The following ROCK1 variants were observed in gnomAD, a reference collection of about 807,000 sequenced individuals.
ROCK1 encodes Rho associated coiled-coil containing protein kinase 1, also known as rho-associated protein kinase 1.
Under a neutral mutation model 196.8 loss-of-function variants are expected in ROCK1, and 36 were observed. That is an observed-to-expected ratio of 0.18 (90% CI 0.14 to 0.24). The LOEUF (loss-of-function observed/expected upper bound fraction) is 0.24. Ranked by LOEUF, ROCK1 falls within the 10% of genes least tolerant of loss-of-function variation. The pLI, the probability that ROCK1 is intolerant of heterozygous loss-of-function variation, is 1.00. For missense variants in ROCK1, 920 were observed against 1,562.0 expected, an observed-to-expected ratio of 0.59 and a Z score of 6.93; for synonymous variants, 443 against 515.9, an observed-to-expected ratio of 0.86 and a Z score of 1.91.
chr18:20,976,544 C>T (rs7244299), intron 22 of ROCK1, among the ~76,000 whole-genome samples: 26,859 of 152,136 alleles, frequency 0.18, 5,167 homozygotes, highest in African/African-American at 0.48. Context: ...CAGTTTGTTA[C>T]AATCCTTACA....
At chr18:21,048,366 T>C (rs918836734) in intron 4 of ROCK1, among the ~76,000 whole-genome samples, 4 of 152,130 alleles carry the variant, frequency 2.6e-5, no homozygotes, top group Non-Finnish European at 5.9e-5. Context: ...AAGAGACAGA[T>C]AAATGAGGAG....
intron 14 of ROCK1, 40 bp from the exon 15 acceptor site, chr18:21,006,830 T>C: frequency 7.8e-7 from 1 of 1,281,856 alleles, no homozygotes; most frequent in Non-Finnish European, 1.1e-6. Context: ...TTACAACATT[T>C]TCATAGGGGA....
chr18:20,996,476 A>G (rs551748071), intron 16 of ROCK1, among the ~76,000 whole-genome samples: 1 of 152,266 alleles, frequency 6.6e-6, no homozygotes, highest in Admixed American at 6.5e-5. Context: ...AGCAGGCAGA[A>G]AGAGAGATAG....
intron 8 of ROCK1, among the ~76,000 whole-genome samples, chr18:21,040,645 T>C: frequency 6.6e-6 from 1 of 152,192 alleles, no homozygotes; most frequent in South Asian, 2.1e-4. Flanking sequence ...TTAGAAAACC[T>C]CTCCATGGTT....
chr18:20,968,119 T>C (rs2035391289), intron 25 of ROCK1, among the ~76,000 whole-genome samples, 179 bp from the exon 26 acceptor site: 1 of 152,184 alleles, frequency 6.6e-6, no homozygotes, highest in Non-Finnish European at 1.5e-5. Context: ...CTTATCACAC[T>C]ACTTAAATGT....
At chr18:20,961,087 G>A (rs1187196447) in intron 27 of ROCK1, among the ~76,000 whole-genome samples, 1 of 152,038 alleles carries the variant, frequency 6.6e-6, no homozygotes, top group East Asian at 1.9e-4. Flanking sequence ...AGAAATATCT[G>A]GGGGATAAAG....
chr18:21,003,987 G>A (rs1568380913), intron 16 of ROCK1, among the ~76,000 whole-genome samples: 1 of 151,996 alleles, frequency 6.6e-6, no homozygotes, highest in Non-Finnish European at 1.5e-5. Context: ...AAGAATCAGA[G>A]ATAAACTTAC....
intron 16 of ROCK1, among the ~76,000 whole-genome samples, chr18:20,993,979 T>C (rs1284084824): frequency 6.6e-6 from 1 of 152,236 alleles, no homozygotes; most frequent in East Asian, 1.9e-4. Context: ...TTTGACTTAC[T>C]GTACTTGTCC....
At chr18:21,020,913 T>A (rs2035908082) in intron 11 of ROCK1, among the ~76,000 whole-genome samples, 1 of 152,164 alleles carries the variant, frequency 6.6e-6, no homozygotes, top group Non-Finnish European at 1.5e-5. Context: ...CCCATAAGCA[T>A]TTTAAATGAG....
chr18:20,983,966 G>A (rs1427812314), intron 20 of ROCK1, among the ~76,000 whole-genome samples: 12 of 152,136 alleles, frequency 7.9e-5, no homozygotes. Flanking sequence ...CACATCCCAA[G>A]AGTAACAGAA....
intron 10 of ROCK1, 103 bp from the exon 11 acceptor site, chr18:21,023,783 A>G: frequency 5.8e-6 from 3 of 515,326 alleles, no homozygotes; most frequent in Non-Finnish European, 6.8e-6. Flanking sequence ...GTTCAGTTAT[A>G]GTAACTTTGT....
In ROCK1 at chr18:21,015,816, T is replaced by TA. The variant is rs879917536; in HGVS notation, c.1362-338dup. ...GTGAAACCCCGTCTCTACTAAAAAT[T>TA]AAAAAAAAAAAAAATTAGCAAGGCA... is the stretch of plus-strand genomic sequence containing the variant. On this transcript the variant is annotated intron_variant, in intron 12 of 32. Coordinates refer to ENST00000399799, the MANE Select transcript of ROCK1 (RefSeq NM_005406.3). 9.1e-4 allele frequency among the ~76,000 whole-genome samples: 128 copies of TA among 140,722 alleles called. No individual in the cohort carries two copies. In the Middle Eastern group the frequency reaches 0.014, roughly 16 times the overall value. The allele number at this position is 140,722 out of a possible 152,430, so 92.3% of individuals were successfully genotyped here.
At chr18:20,962,749 G>A (rs898096567) in intron 27 of ROCK1, among the ~76,000 whole-genome samples, 1 of 152,108 alleles carries the variant, frequency 6.6e-6, no homozygotes, top group African/African-American at 2.4e-5. Context: ...GCAAATAAAG[G>A]TGTCAAGAAT....
At chr18:21,086,538 A>T (rs1293371429) in intron 1 of ROCK1, among the ~76,000 whole-genome samples, 2 of 152,204 alleles carry the variant, frequency 1.3e-5, no homozygotes, top group African/African-American at 4.8e-5. Flanking sequence ...ATGGAACTAT[A>T]ACAAAAGATT....
Position 20,969,301 on chromosome 18 carries a change from G to C in ROCK1, c.2821-93C>G, listed in dbSNP as rs2143359643. 3 of 685,622 alleles carry C rather than the reference G, an allele frequency of 4.4e-6. 1 individual carries two copies. The South Asian group carries it at 5.5e-5, about 13-fold the overall frequency. The allele number at this position is 685,622 out of a possible 1,614,324, so 42.5% of individuals were successfully genotyped here. Reference sequence around the variant, plus strand: ...TTAAATATACTGCTAGATAAAGACAGGTCAGACACTGCTGAACTACAGCAA... The same window carrying C: ...TTAAATATACTGCTAGATAAAGACACGTCAGACACTGCTGAACTACAGCAA... On this transcript the variant is annotated intron_variant, in intron 23 of 32. Transcript: ENST00000399799.
At position 20,947,588 on chromosome 18, in the gene ROCK1, G is replaced by A. The variant is rs1253482785; in HGVS notation, c.*3796C>T. On this transcript the variant is annotated 3_prime_UTR_variant, in exon 33 of 33. Coordinates refer to ENST00000399799, the MANE Select transcript of ROCK1 (RefSeq NM_005406.3). ...ACGGTGGCCTACACCTGTAATGAGA[G>A]AGTAAAACTGCTTGAGGCTAGGAGT... 2.0e-5 allele frequency: 3 copies of A among 152,208 alleles called. No homozygotes were observed. Among genetic ancestry groups the A allele is most frequent in the Non-Finnish European group, 4.4e-5 (3 of 68,032 alleles). 9.4% of individuals were successfully genotyped at this position (152,208 alleles called of 1,614,324 possible). A position where few individuals can be genotyped will look rare whatever the true frequency, so the allele number is the denominator to read the frequency against.
chr18:20,976,119 A>G (rs557192032), intron 22 of ROCK1, among the ~76,000 whole-genome samples: 1 of 151,862 alleles, frequency 6.6e-6, no homozygotes, highest in Admixed American at 6.6e-5. Context: ...TTGCTACCTG[A>G]GAGGACCAAA....
intron 21 of ROCK1, among the ~76,000 whole-genome samples, chr18:20,981,431 A>C (rs2035532592): frequency 6.6e-6 from 1 of 152,198 alleles, no homozygotes; most frequent in Non-Finnish European, 1.5e-5. Context: ...AGATTTATCA[A>C]GTATTCTGCT....
At chr18:21,086,870 G>A (rs1488222668) in intron 1 of ROCK1, among the ~76,000 whole-genome samples, 8 of 151,346 alleles carry the variant, frequency 5.3e-5, no homozygotes, top group East Asian at 1.9e-4. Context: ...AATAGAAGAC[G>A]ATGAAAGAAA....
Sources: allele counts gnomAD v4.1 joint callset (sites outside exome capture counted in the v4.1 genomes callset), GRCh38; gene constraint gnomAD v4.1.1; transcripts MANE v1.5; gene names NCBI Gene and HGNC (gene_info 2026-07-23, HGNC 2026-07-21).